The following AP3B1 variants were observed in gnomAD, a reference collection of about 807,000 sequenced individuals.
AP3B1 encodes the protein AP-3 complex subunit beta-1.
A neutral mutation model predicts 132.5 loss-of-function variants in AP3B1; 61 were observed. The ratio of observed to expected loss-of-function variants is 0.46; its 90% confidence interval spans 0.37 to 0.57. The LOEUF is 0.57. AP3B1 is among the 20% of genes least tolerant of loss of function. The pLI, the probability that AP3B1 is intolerant of heterozygous loss-of-function variation, is 0.00. For missense variants in AP3B1, 1,120 were observed against 1,289.4 expected, an observed-to-expected ratio of 0.87 and a Z score of 2.01; for synonymous variants, 388 against 438.3, an observed-to-expected ratio of 0.89 and a Z score of 1.43.
At chr5:78,097,883 T>A (rs1195153342) in intron 21 of AP3B1, among the ~76,000 whole-genome samples, 8 of 152,228 alleles carry the variant, frequency 5.3e-5, no homozygotes, top group African/African-American at 1.7e-4. Flanking sequence ...GGTTGCGGTG[T>A]CTGTGTAGAA....
At chr5:78,231,240 C>T (rs565221504) in intron 3 of AP3B1, among the ~76,000 whole-genome samples, 3 of 152,222 alleles carry the variant, frequency 2.0e-5, no homozygotes, top group South Asian at 4.1e-4. Context: ...GGGGCGATCT[C>T]GCGACTTACT....
intron 22 of AP3B1, chr5:78,043,189 G>A (rs1748171638): frequency 6.5e-6 from 1 of 153,938 alleles, no homozygotes; most frequent in East Asian, 1.9e-4. Context: ...AGGCTGGAGT[G>A]CGGTGGTGTG....
intron 6 of AP3B1, among the ~76,000 whole-genome samples, chr5:78,222,783 G>A (rs1325891892): frequency 6.6e-6 from 1 of 151,588 alleles, no homozygotes; most frequent in Admixed American, 6.6e-5. Context: ...AATAGTTGAA[G>A]CAATTTTGAT....
chr5:78,044,061 G>T, intron 22 of AP3B1: 1 of 301,576 alleles, frequency 3.3e-6, no homozygotes, highest in South Asian at 3.6e-5. Context: ...TTGATGACGA[G>T]AGACATGAGT....
intron 7 of AP3B1, among the ~76,000 whole-genome samples, chr5:78,187,424 A>T (rs868128641): frequency 2.0e-4 from 30 of 152,200 alleles, no homozygotes; most frequent in African/African-American, 6.8e-4. Context: ...CCATCTACTC[A>T]TTCCATTTCT....
rs1282088 is a variant in AP3B1, at chr5:78,010,221, T to C, written c.3131+5189A>G. ...TCTACTGGCATCCCTTACTGACTAATCAGTAAAAAATAAAACATATAAACA... is the reference window on the plus strand; with the variant it reads ...TCTACTGGCATCCCTTACTGACTAACCAGTAAAAAATAAAACATATAAACA... On this transcript the variant is annotated intron_variant, in intron 26 of 26. Coordinates refer to ENST00000255194, the MANE Select transcript of AP3B1 (RefSeq NM_003664.5). Among the ~76,000 whole-genome samples the C allele has an allele frequency of 8.7e-3, 1,318 of 152,292 alleles. 53 individuals carry two copies. In the East Asian group the frequency reaches 0.11, roughly 13 times the overall value.
At chr5:78,034,048 T>C in intron 24 of AP3B1, among the ~76,000 whole-genome samples, 1 of 151,970 alleles carries the variant, frequency 6.6e-6, no homozygotes, top group East Asian at 1.9e-4. Context: ...TCATGAATTT[T>C]CTCATAAATT....
At chr5:78,061,895 C>T (rs978934783) in intron 22 of AP3B1, among the ~76,000 whole-genome samples, 1 of 152,114 alleles carries the variant, frequency 6.6e-6, no homozygotes, top group Non-Finnish European at 1.5e-5. Context: ...TGAAGGGGTC[C>T]ATTATGTATC....
intron 24 of AP3B1, among the ~76,000 whole-genome samples, chr5:78,025,672 G>C (rs551210690): frequency 6.6e-6 from 1 of 152,288 alleles, no homozygotes; most frequent in South Asian, 2.1e-4. Context: ...ACCAGCATTT[G>C]CTAACAAAAT....
intron 2 of AP3B1, among the ~76,000 whole-genome samples, chr5:78,245,608 T>A (rs10041079): frequency 0.35 from 52,605 of 152,034 alleles, 9,169 homozygotes; most frequent in Middle Eastern, 0.43. Context: ...AAGAAGCTCT[T>A]AGACTCCTTG....
chr5:78,119,733 C>T (rs252772), intron 17 of AP3B1, among the ~76,000 whole-genome samples: 45,277 of 152,040 alleles, frequency 0.3, 7,167 homozygotes, highest in Admixed American at 0.41. Flanking sequence ...CTGAAAGTGA[C>T]GGGTAGAATG....
chr5:78,185,064 G>C (rs1256025580), intron 7 of AP3B1, among the ~76,000 whole-genome samples: 1 of 152,170 alleles, frequency 6.6e-6, no homozygotes, highest in Non-Finnish European at 1.5e-5. Context: ...GAACACAGTA[G>C]ACCAACTGAT....
intron 2 of AP3B1, among the ~76,000 whole-genome samples, chr5:78,256,142 C>T (rs1432495314): frequency 6.6e-6 from 1 of 150,698 alleles, no homozygotes; most frequent in Admixed American, 6.6e-5. Context: ...GAACAAAACA[C>T]AAAATTAGTA....
At chr5:78,121,197 T>A (rs1752174598) in intron 17 of AP3B1, among the ~76,000 whole-genome samples, 1 of 151,458 alleles carries the variant, frequency 6.6e-6, no homozygotes, top group African/African-American at 2.4e-5. Flanking sequence ...CAAAGCAGTG[T>A]GTAGAGGGAA....
intron 2 of AP3B1, among the ~76,000 whole-genome samples, chr5:78,264,188 A>C (rs1561208638): frequency 6.6e-6 from 1 of 152,196 alleles, no homozygotes; most frequent in Non-Finnish European, 1.5e-5. Flanking sequence ...ATTGAATAAT[A>C]ATCTAGATCC....
At chr5:78,030,585 C>T (rs1431313306) in intron 24 of AP3B1, among the ~76,000 whole-genome samples, 2 of 152,070 alleles carry the variant, frequency 1.3e-5, no homozygotes, top group Non-Finnish European at 2.9e-5. Context: ...AAAAATTCAC[C>T]AGGACGTGAT....
chr5:78,087,478 CTTTG>C lies in AP3B1; in HGVS notation c.2577+1911_2577+1914del, dbSNP rs1750311357. The C allele has an allele frequency of 2.2e-5, 21 of 944,382 alleles. No individual in the cohort carries two copies. The South Asian group carries it at 9.3e-4, about 42-fold the overall frequency. The allele number at this position is 944,382 out of a possible 1,614,324, so 58.5% of individuals were successfully genotyped here. A position where few individuals can be genotyped will look rare whatever the true frequency, so the allele number is the denominator to read the frequency against. On this transcript the variant is annotated intron_variant, in intron 22 of 26. Transcript: ENST00000255194. ...CCATTTTTCAGAGTTCTAGCATTTT[CTTTG>C]TTTAAAGTTCTATTCCTGTCCATAT...
chr5:78,032,231 C>T (rs1747610707), intron 24 of AP3B1, among the ~76,000 whole-genome samples: 1 of 152,110 alleles, frequency 6.6e-6, no homozygotes, highest in Non-Finnish European at 1.5e-5. Flanking sequence ...TTACTCTATT[C>T]TTTTTATTCT....
In AP3B1 at chr5:78,180,040, G is replaced by A. The variant is rs985142166; in HGVS notation, c.942+1467C>T. Among the ~76,000 whole-genome samples the A allele has an allele frequency of 2.6e-5, 4 of 152,020 alleles. No individual in the cohort carries two copies. In the East Asian group the frequency reaches 7.7e-4, roughly 29 times the overall value. ...TAAGACCTAGTTAAATGAACAGTGAGTCACTCATAAAGTACAGCTTAAGAT... is the reference window on the plus strand; with the variant it reads ...TAAGACCTAGTTAAATGAACAGTGAATCACTCATAAAGTACAGCTTAAGAT... On this transcript the variant is annotated intron_variant, in intron 8 of 26. Transcript: ENST00000255194.
Sources: gnomAD v4.1 joint callset for allele counts (sites outside exome capture counted in the v4.1 genomes callset) on GRCh38, gnomAD v4.1.1 for gene constraint, MANE v1.5 for transcripts, NCBI Gene and HGNC (gene_info 2026-07-23, HGNC 2026-07-21) for gene names.